PINX1: variants seen among roughly 807,000 people sequenced by gnomAD.
PINX1 encodes PIN2 (TERF1) interacting telomerase inhibitor 1, also known as PIN2/TERF1-interacting telomerase inhibitor 1.
PINX1 carries 34 observed loss-of-function variants against 25.4 expected under a neutral mutation model. That is an observed-to-expected ratio of 1.34 (90% CI 1.02 to 1.78). The LOEUF (loss-of-function observed/expected upper bound fraction) is 1.78. Ranked by LOEUF, PINX1 falls within the 40% of genes most tolerant of loss-of-function variation. The pLI is 0.00. For synonymous variants in PINX1, 197 were observed against 147.7 expected (o/e 1.33, Z -2.42); for missense variants, 592 against 404.9 (o/e 1.46, Z -3.97).
intron 6 of PINX1, among the ~76,000 whole-genome samples, chr8:10,777,738 A>C (rs1260861021): frequency 6.6e-6 from 1 of 152,194 alleles, no homozygotes; most frequent in Non-Finnish European, 1.5e-5. Context: ...TGTTTTTATA[A>C]GGACTTCCGT....
At chr8:10,797,891 A>G (rs1282697728) in intron 6 of PINX1, among the ~76,000 whole-genome samples, 1 of 152,234 alleles carries the variant, frequency 6.6e-6, no homozygotes, top group Non-Finnish European at 1.5e-5. Flanking sequence ...TAACACAACC[A>G]TGTCAGGAGA....
chr8:10,815,828 T>C (rs1797679216), intron 6 of PINX1, among the ~76,000 whole-genome samples: 2 of 152,232 alleles, frequency 1.3e-5, no homozygotes, highest in African/African-American at 4.8e-5. Flanking sequence ...CATCAAATGA[T>C]TTGATCTCTA....
At chr8:10,814,018 C>T (rs1416210623) in intron 6 of PINX1, among the ~76,000 whole-genome samples, 1 of 152,166 alleles carries the variant, frequency 6.6e-6, no homozygotes, top group East Asian at 1.9e-4. Context: ...AAGACACACG[C>T]TTATGTACAC....
At chr8:10,819,027 C>T (rs60011038) in intron 6 of PINX1, among the ~76,000 whole-genome samples, 31,492 of 152,094 alleles carry the variant, frequency 0.21, 3,389 homozygotes, top group Middle Eastern at 0.29. Context: ...GCAGCCGGCA[C>T]GGCCGGATGT....
At chr8:10,820,739 T>TATCA (rs769783196) in intron 5 of PINX1, among the ~76,000 whole-genome samples, 2 of 152,222 alleles carry the variant, frequency 1.3e-5, no homozygotes, top group South Asian at 4.1e-4. Context: ...AATGAGAACG[T>TATCA]ATCATATTTG....
chr8:10,780,539 C>T (rs751297677), intron 6 of PINX1, among the ~76,000 whole-genome samples: 18 of 151,570 alleles, frequency 1.2e-4, no homozygotes, highest in Non-Finnish European at 2.5e-4. Context: ...CAGCCTTGCA[C>T]GCCAAGGATA....
chr8:10,825,294 G>C, intron 5 of PINX1: 1 of 532,528 alleles, frequency 1.9e-6, no homozygotes, highest in South Asian at 1.4e-5. Flanking sequence ...GACCAAAGCA[G>C]AGATGTGCTG....
chr8:10,839,870 G>A lies in PINX1; in HGVS notation c.-114C>T. On this transcript the variant is annotated 5_prime_UTR_variant, in exon 1 of 7. Coordinates refer to ENST00000314787, the MANE Select transcript of PINX1 (RefSeq NM_017884.6). ...GTAACTCCCTCGCCGGCGGACTGCA[G>A]CGGACGGGGCGCGTGCTGGTGACGT... 9.7e-7 allele frequency: 1 copy of A among 1,028,786 alleles called. No homozygotes were observed. Among genetic ancestry groups the A allele is most frequent in the South Asian group, 1.6e-5 (1 of 62,056 alleles). 63.7% of individuals were successfully genotyped at this position (1,028,786 alleles called of 1,614,324 possible).
At chr8:10,819,043 C>T (rs1027042866) in intron 6 of PINX1, among the ~76,000 whole-genome samples, 1 of 152,138 alleles carries the variant, frequency 6.6e-6, no homozygotes, top group African/African-American at 2.4e-5. Flanking sequence ...GATGTCAGAG[C>T]GGCTCCTCCC....
At chr8:10,777,790 G>C (rs1254444838) in intron 6 of PINX1, among the ~76,000 whole-genome samples, 1 of 152,174 alleles carries the variant, frequency 6.6e-6, no homozygotes, top group Non-Finnish European at 1.5e-5. Flanking sequence ...TTCGCACTCT[G>C]CCCGTCACTG....
intron 6 of PINX1, among the ~76,000 whole-genome samples, chr8:10,799,293 C>T (rs1027776560): frequency 1.3e-5 from 2 of 152,164 alleles, no homozygotes; most frequent in Non-Finnish European, 2.9e-5. Context: ...ATGGTCTCAA[C>T]AGAACTGTTG....
At chr8:10,796,773 G>A (rs1201751506) in intron 6 of PINX1, among the ~76,000 whole-genome samples, 1 of 151,286 alleles carries the variant, frequency 6.6e-6, no homozygotes, top group Non-Finnish European at 1.5e-5. Context: ...GTAACATTAA[G>A]TTTTAGAGAT....
intron 6 of PINX1, among the ~76,000 whole-genome samples, chr8:10,797,292 T>TA (rs887717293): frequency 6.6e-6 from 1 of 152,274 alleles, no homozygotes; most frequent in African/African-American, 2.4e-5. Context: ...AACCGCACTC[T>TA]AAAAACCAAA....
intron 2 of PINX1, among the ~76,000 whole-genome samples, chr8:10,833,227 CA>C (rs1798280172): frequency 6.6e-6 from 1 of 152,196 alleles, no homozygotes; most frequent in Non-Finnish European, 1.5e-5. Context: ...GGAAAAAACT[CA>C]GTGTACTGGG....
intron 5 of PINX1, chr8:10,825,556 T>C (rs957650244): frequency 2.1e-6 from 1 of 483,102 alleles, no homozygotes; most frequent in South Asian, 1.5e-5. Context: ...TGATTTCACA[T>C]ACTGGGAAGG....
intron 6 of PINX1, among the ~76,000 whole-genome samples, chr8:10,819,676 G>C (rs1359839615): frequency 6.6e-6 from 1 of 152,182 alleles, no homozygotes; most frequent in South Asian, 2.1e-4. Flanking sequence ...CTAGTTGTAA[G>C]GCAAATAATA....
At chr8:10,821,329 A>C (rs908385935) in intron 5 of PINX1, among the ~76,000 whole-genome samples, 1 of 152,232 alleles carries the variant, frequency 6.6e-6, no homozygotes, top group African/African-American at 2.4e-5. Context: ...AAATTAAAAA[A>C]ACAAAACACT....
intron 6 of PINX1, among the ~76,000 whole-genome samples, chr8:10,805,021 C>T (rs1024060288): frequency 2.6e-5 from 4 of 151,842 alleles, no homozygotes; most frequent in African/African-American, 9.7e-5. Flanking sequence ...TCAGCTCATT[C>T]CTCTTTTCTC....
intron 6 of PINX1, among the ~76,000 whole-genome samples, chr8:10,778,242 C>A (rs753305346): frequency 6.6e-6 from 1 of 152,028 alleles, no homozygotes; most frequent in African/African-American, 2.4e-5. Context: ...GGTTGAGTAT[C>A]CCTTATTTGA....
Sources: allele counts gnomAD v4.1 joint callset (sites outside exome capture counted in the v4.1 genomes callset), GRCh38; gene constraint gnomAD v4.1.1; transcripts MANE v1.5; gene names NCBI Gene and HGNC (gene_info 2026-07-23, HGNC 2026-07-21).